MYO16: variants seen among roughly 807,000 people sequenced by gnomAD.
MYO16 encodes the protein myosin XVI, also known as unconventional myosin-XVI.
Under a neutral mutation model 205.3 loss-of-function variants are expected in MYO16, and 94 were observed. The observed-to-expected ratio is 0.46, with a 90% CI of 0.39 to 0.54. The LOEUF is 0.54. Ranked by LOEUF, MYO16 falls within the 20% of genes least tolerant of loss-of-function variation. The pLI is 0.00. For synonymous variants in MYO16, 988 were observed against 954.0 expected, an observed-to-expected ratio of 1.04 and a Z score of -0.66; for missense variants, 2,315 against 2,387.5, an observed-to-expected ratio of 0.97 and a Z score of 0.63.
At chr13:108,636,351 T>TG (rs1880230798) in intron 1 of MYO16, among the ~76,000 whole-genome samples, 5 of 22,104 alleles carry the variant, frequency 2.3e-4, no homozygotes, top group African/African-American at 1.2e-3. Context: ...TTTCCCTTTT[T>TG]TTTTTTTTTT....
At chr13:108,590,494 T>C in the MYO16 span, among the ~76,000 whole-genome samples, 30 of 152,308 alleles carry the variant, frequency 2.0e-4, no homozygotes, top group African/African-American at 7.0e-4. Flanking sequence ...CAGAAGGATA[T>C]GTTGAACCTG....
At chr13:109,180,472 A>G (rs1879408059) in intron 34 of MYO16, among the ~76,000 whole-genome samples, 2 of 152,232 alleles carry the variant, frequency 1.3e-5, no homozygotes, top group Non-Finnish European at 2.9e-5. Flanking sequence ...TTCTCATTTT[A>G]TCTAAAGTTA....
chr13:109,007,256 C>G (rs948697065), intron 21 of MYO16, among the ~76,000 whole-genome samples: 1 of 151,934 alleles, frequency 6.6e-6, no homozygotes, highest in Non-Finnish European at 1.5e-5. Flanking sequence ...GGTGAGGTGG[C>G]GGGCGCCTGT....
chr13:108,612,578 C>A (rs1879215657), intron 1 of MYO16, among the ~76,000 whole-genome samples: 1 of 151,984 alleles, frequency 6.6e-6, no homozygotes. Flanking sequence ...GGTCCTTGCC[C>A]AAATGGAGTT....
Position 109,140,939 on chromosome 13 carries a change from C to T in MYO16, c.4727C>T (p.Ala1576Val), listed in dbSNP as rs769347635. 9.0e-6 allele frequency: 14 copies of T among 1,553,392 alleles called. No homozygotes were observed. Among genetic ancestry groups the T allele is most frequent in the African/African-American group, 1.4e-5 (1 of 70,134 alleles). Residue 1576 changes from alanine to valine, a missense_variant, in exon 32 of 35, where the codon GCG (alanine) becomes GTG (valine). Transcript: ENST00000457511. The surrounding 1 kb of genome is among the most constrained non-coding windows in gnomAD (Gnocchi z 8.0). Reference sequence around the variant, plus strand: ...CAGAAGGGCGACGGCGACAGGCCCGCGTCCCCCGGCCTGGCGCTGTTCAAC... The same window carrying T: ...CAGAAGGGCGACGGCGACAGGCCCGTGTCCCCCGGCCTGGCGCTGTTCAAC... ...KSQKGDGDRPASPGLALFNGS... is the reference protein window; with the variant it reads ...KSQKGDGDRPVSPGLALFNGS...
chr13:108,838,770 GCACA>G (rs71125345), intron 9 of MYO16, among the ~76,000 whole-genome samples: 33 of 145,512 alleles, frequency 2.3e-4, no homozygotes, highest in African/African-American at 8.1e-4. Context: ...ACACACAAAT[GCACA>G]CACACACACA....
At chr13:108,657,151 T>G (rs1361268322) in intron 1 of MYO16, among the ~76,000 whole-genome samples, 1 of 152,228 alleles carries the variant, frequency 6.6e-6, no homozygotes, top group Non-Finnish European at 1.5e-5. Context: ...AAAATATTTT[T>G]CTCAATAGCT....
chr13:108,675,280 C>T (rs924044201), intron 2 of MYO16, among the ~76,000 whole-genome samples: 2 of 152,166 alleles, frequency 1.3e-5, no homozygotes, highest in African/African-American at 4.8e-5. Context: ...CTGACTCTAG[C>T]CCTCCGGGGC....
chr13:108,574,713 TTGTG>T, the MYO16 span, among the ~76,000 whole-genome samples: 1 of 107,230 alleles, frequency 9.3e-6, no homozygotes, highest in Non-Finnish European at 1.9e-5. Flanking sequence ...GTGTGTGCGC[TTGTG>T]TGTATTTGTA....
intron 3 of MYO16, among the ~76,000 whole-genome samples, chr13:108,724,554 G>A (rs1471860448): frequency 6.6e-6 from 1 of 151,340 alleles, no homozygotes. Context: ...TTTAGTACTT[G>A]TGTCATTTGT....
chr13:108,538,249 A>G, the MYO16 span, among the ~76,000 whole-genome samples: 1 of 152,152 alleles, frequency 6.6e-6, no homozygotes, highest in African/African-American at 2.4e-5. Context: ...TGGGATCAGA[A>G]CAAATAAGAA....
intron 27 of MYO16, among the ~76,000 whole-genome samples, chr13:109,062,420 G>A (rs9514970): frequency 0.5 from 75,260 of 151,966 alleles, 18,651 homozygotes; most frequent in Middle Eastern, 0.55. Flanking sequence ...AAAAAGTACA[G>A]TGAGTAAAAA....
intron 1 of MYO16, among the ~76,000 whole-genome samples, chr13:108,639,861 G>T (rs753055921): frequency 7.9e-5 from 12 of 152,216 alleles, no homozygotes; most frequent in Non-Finnish European, 1.3e-4. Flanking sequence ...AAGGCCTTGG[G>T]ACGACTTCGG....
chr13:108,522,475 C>G, the MYO16 span, among the ~76,000 whole-genome samples: 1 of 152,092 alleles, frequency 6.6e-6, no homozygotes, highest in African/African-American at 2.4e-5. Flanking sequence ...CTTCCTAGGG[C>G]TAGCATGACA....
chr13:109,099,365 T>G (rs746567127), intron 27 of MYO16, among the ~76,000 whole-genome samples: 4 of 152,230 alleles, frequency 2.6e-5, no homozygotes, highest in Non-Finnish European at 5.9e-5. Context: ...ACTAACATGA[T>G]GTATAGCATA....
At chr13:109,149,069 G>C (rs951870864) in intron 32 of MYO16, among the ~76,000 whole-genome samples, 1 of 152,188 alleles carries the variant, frequency 6.6e-6, no homozygotes, top group Admixed American at 6.5e-5. Context: ...TTGTTAGCTT[G>C]ATGACAAGGC....
chr13:108,545,752 G>A, the MYO16 span, among the ~76,000 whole-genome samples: 2 of 152,182 alleles, frequency 1.3e-5, no homozygotes, highest in South Asian at 4.1e-4. Flanking sequence ...AAGGAGCAGG[G>A]AAGAGGGATG....
intron 5 of MYO16, among the ~76,000 whole-genome samples, chr13:108,787,968 C>T (rs1304964668): frequency 6.6e-6 from 1 of 152,064 alleles, no homozygotes; most frequent in Non-Finnish European, 1.5e-5. Flanking sequence ...TGGCCCTCTG[C>T]TTGGTGTACT....
intron 16 of MYO16, among the ~76,000 whole-genome samples, chr13:108,928,039 C>T (rs927798821): frequency 6.6e-6 from 1 of 152,244 alleles, no homozygotes. Flanking sequence ...CCATCTCCAG[C>T]CTGTCTCCTT....
Sources: gnomAD v4.1 joint callset for allele counts (sites outside exome capture counted in the v4.1 genomes callset) on GRCh38, gnomAD v4.1.1 for gene constraint, Gnocchi (gnomAD v3.1) non-coding constraint, MANE v1.5 for transcripts, NCBI Gene and HGNC (gene_info 2026-07-23, HGNC 2026-07-21) for gene names.